DOCK9: variants seen among roughly 807,000 people sequenced by gnomAD.
DOCK9 encodes the protein dedicator of cytokinesis protein 9.
A neutral mutation model predicts 263.3 loss-of-function variants in DOCK9; 89 were observed. That is an observed-to-expected ratio of 0.34 (90% CI 0.28 to 0.40). The LOEUF (loss-of-function observed/expected upper bound fraction) is 0.40. DOCK9 is among the 10% of genes least tolerant of loss of function. The pLI is 1.00. For synonymous variants in DOCK9, 976 were observed against 973.1 expected (o/e 1.00, Z -0.06); for missense variants, 2,140 against 2,603.4 (o/e 0.82, Z 3.87).
intron 1 of DOCK9, among the ~76,000 whole-genome samples, chr13:99,084,719 A>G (rs1211742740): frequency 6.6e-6 from 1 of 152,228 alleles, no homozygotes; most frequent in African/African-American, 2.4e-5. Flanking sequence ...ACACTGGTAC[A>G]CTTTATTTAC....
chr13:98,868,447 A>C, intron 27 of DOCK9, 70 bp from the exon 28 acceptor site: 393 of 1,467,396 alleles, frequency 2.7e-4, no homozygotes, highest in Middle Eastern at 3.8e-4. Flanking sequence ...AAAATATCTC[A>C]TCCCTGAGTC....
At chr13:98,862,206 G>C (rs906222428) in intron 32 of DOCK9, among the ~76,000 whole-genome samples, 2 of 152,184 alleles carry the variant, frequency 1.3e-5, no homozygotes, top group African/African-American at 4.8e-5. Context: ...CTTACCAGGA[G>C]TTGCACTGGC....
chr13:98,846,430 A>C lies in DOCK9; in HGVS notation c.4062-370T>G, dbSNP rs75207040. The stretch of plus-strand genomic sequence containing the variant: ...TGTTCTGAAAAAGCAAAAGACATGT[A>C]TTTTTTTTAATTAAAAAATGCATTG... On this transcript the variant is annotated intron_variant, in intron 37 of 52. Coordinates refer to ENST00000682017, the MANE Select transcript of DOCK9 (RefSeq NM_001366683.2). 11 of 821,006 alleles carry C rather than the reference A, an allele frequency of 1.3e-5. No homozygotes were observed. In the Admixed American group the frequency reaches 3.1e-4, roughly 23 times the overall value. The allele number at this position is 821,006 out of a possible 1,614,324, so 50.9% of individuals were successfully genotyped here. A position where few individuals can be genotyped will look rare whatever the true frequency, so the allele number is the denominator to read the frequency against.
At chr13:98,796,187 T>A (rs9554522) in intron 52 of DOCK9, 667,981 of 1,556,216 alleles carry the variant, frequency 0.43, 146,905 homozygotes, top group East Asian at 0.6. Flanking sequence ...AGAAAAATAA[T>A]GTTTAAAAAT....
chr13:98,796,745 T>C (rs150696169), intron 52 of DOCK9, among the ~76,000 whole-genome samples: 236 of 152,352 alleles, frequency 1.5e-3, no homozygotes, highest in African/African-American at 5.4e-3. Context: ...TGGCAAGTCC[T>C]GCTTTTTTCA....
intron 1 of DOCK9, among the ~76,000 whole-genome samples, chr13:99,085,504 G>C (rs185587974): frequency 6.6e-6 from 1 of 152,310 alleles, no homozygotes; most frequent in Non-Finnish European, 1.5e-5. Flanking sequence ...CACACCCAGA[G>C]GCCTATTCTC....
chr13:99,050,643 T>C (rs1208652092), intron 1 of DOCK9, among the ~76,000 whole-genome samples: 3 of 152,178 alleles, frequency 2.0e-5, no homozygotes, highest in South Asian at 2.1e-4. Flanking sequence ...CAGTGAGCTA[T>C]TGCACCACTC....
At chr13:98,992,169 T>C (rs1879962678) in intron 1 of DOCK9, among the ~76,000 whole-genome samples, 1 of 151,686 alleles carries the variant, frequency 6.6e-6, no homozygotes, top group African/African-American at 2.4e-5. Context: ...TGACTACCTG[T>C]TGAGGAGTTA....
intron 1 of DOCK9, among the ~76,000 whole-genome samples, chr13:99,007,035 T>C (rs144554429): frequency 2.3e-3 from 357 of 152,278 alleles, no homozygotes; most frequent in African/African-American, 7.9e-3. Context: ...GAGGCTTTAG[T>C]GAGCCAAGAT....
intron 1 of DOCK9, among the ~76,000 whole-genome samples, chr13:98,958,188 C>A (rs532152174): frequency 6.6e-6 from 1 of 152,208 alleles, no homozygotes; most frequent in African/African-American, 2.4e-5. Context: ...CTGGGAGAGA[C>A]AAAGGGCACA....
At chr13:98,867,314 C>A in intron 30 of DOCK9, 111 bp downstream of exon 30, 1 of 697,900 alleles carries the variant, frequency 1.4e-6, no homozygotes, top group Non-Finnish European at 2.4e-6. Flanking sequence ...ATTAATTCAT[C>A]AATGAAAAAA....
intron 1 of DOCK9, among the ~76,000 whole-genome samples, chr13:98,993,628 A>T (rs1178332695): frequency 6.6e-6 from 1 of 152,186 alleles, no homozygotes; most frequent in Non-Finnish European, 1.5e-5. Flanking sequence ...GGGCACCTGT[A>T]GTCCCTGGAG....
At chr13:98,936,281 G>A (rs551855547) in intron 2 of DOCK9, among the ~76,000 whole-genome samples, 3 of 152,102 alleles carry the variant, frequency 2.0e-5, no homozygotes, top group African/African-American at 7.2e-5. Context: ...TACCCCACCA[G>A]ATTGCAAATT....
chr13:98,993,853 C>G (rs1880389692), intron 1 of DOCK9, among the ~76,000 whole-genome samples: 1 of 152,132 alleles, frequency 6.6e-6, no homozygotes. Flanking sequence ...TTAGAATTAT[C>G]TAATATGTGA....
At chr13:99,003,967 G>T (rs1252926178) in intron 1 of DOCK9, among the ~76,000 whole-genome samples, 1 of 152,088 alleles carries the variant, frequency 6.6e-6, no homozygotes, top group Admixed American at 6.6e-5. Context: ...CAGCCTCACT[G>T]GTCACCCTTC....
chr13:98,930,841 T>C (rs1478971173), intron 2 of DOCK9, among the ~76,000 whole-genome samples: 1 of 152,108 alleles, frequency 6.6e-6, no homozygotes, highest in Admixed American at 6.5e-5. Context: ...ACGGGGTTTC[T>C]CCATGTTGAT....
intron 45 of DOCK9, among the ~76,000 whole-genome samples, chr13:98,814,797 T>G (rs2091662007): frequency 6.6e-6 from 1 of 151,960 alleles, no homozygotes; most frequent in African/African-American, 2.4e-5. Context: ...AAAAATTAGC[T>G]GGGCATGGTA....
rs142240874 is a variant in DOCK9 at position 99,039,020 on chromosome 13, C to T, written c.129+47203G>A. 2.3e-4 allele frequency among the ~76,000 whole-genome samples: 35 copies of T among 152,256 alleles called. No individual in the cohort carries two copies. In the East Asian group the frequency reaches 4.0e-3, roughly 18 times the overall value. On this transcript the variant is annotated intron_variant, in intron 1 of 32. Transcript: ENST00000427887. ...CTTTTTAATCCACTTGATTTACATC[C>T]GCCTACTTTCCTAGAGAATTTCTAA...
At chr13:98,809,573 A>G in intron 46 of DOCK9, 108 bp from the exon 47 acceptor site, 1 of 854,206 alleles carries the variant, frequency 1.2e-6, no homozygotes, top group African/African-American at 1.7e-5. Flanking sequence ...TTGAATAAAA[A>G]TACACACACA....
Sources: gnomAD v4.1 joint callset for allele counts (sites outside exome capture counted in the v4.1 genomes callset) on GRCh38, gnomAD v4.1.1 for gene constraint, MANE v1.5 for transcripts, NCBI Gene and HGNC (gene_info 2026-07-23, HGNC 2026-07-21) for gene names.